ZNF93: variants seen among roughly 807,000 people sequenced by gnomAD.
ZNF93 encodes zinc finger protein 505.
In ZNF93, 29 loss-of-function variants were observed where a neutral mutation model predicts 45.0. The ratio of observed to expected loss-of-function variants is 0.64; its 90% confidence interval spans 0.48 to 0.88. The LOEUF (loss-of-function observed/expected upper bound fraction) is 0.88, where lower values mean the gene tolerates loss of function less well. Among genes scored for constraint, ZNF93 ranks in the 40% least tolerant of loss-of-function variants. The pLI is 0.00. For missense variants in ZNF93, 578 were observed against 724.0 expected (o/e 0.80, Z 2.31); for synonymous variants, 223 against 244.6 (o/e 0.91, Z 0.82).
intron 1 of ZNF93, among the ~76,000 whole-genome samples, chr19:19,910,589 C>T (rs142102833): frequency 1.2e-3 from 177 of 151,876 alleles, no homozygotes; most frequent in African/African-American, 4.1e-3. Context: ...TCTTTGCTCC[C>T]AGGTTATAAT....
intron 1 of ZNF93, among the ~76,000 whole-genome samples, chr19:19,905,330 C>G (rs996321993): frequency 6.6e-6 from 1 of 152,030 alleles, no homozygotes; most frequent in African/African-American, 2.4e-5. Flanking sequence ...AAACATAGCA[C>G]CAAACAGGTA....
chr19:19,927,040 T>G (rs569955555), intron 3 of ZNF93: 5 of 397,864 alleles, frequency 1.3e-5, no homozygotes, highest in Non-Finnish European at 1.8e-5. Context: ...CAGTTTTTCT[T>G]TAAAAACATT....
chr19:19,914,873 G>GA (rs943002324), intron 1 of ZNF93: 3 of 329,026 alleles, frequency 9.1e-6, no homozygotes, highest in Admixed American at 9.5e-5. Flanking sequence ...GATCTTCTGG[G>GA]AAAAAACCCC....
chr19:19,913,902 C>T (rs550079885), intron 1 of ZNF93, among the ~76,000 whole-genome samples: 3 of 152,198 alleles, frequency 2.0e-5, no homozygotes, highest in African/African-American at 2.4e-5. Flanking sequence ...GACTGCCATG[C>T]GTTTAGTACT....
chr19:19,926,530 C>G (rs1428526947), intron 3 of ZNF93, among the ~76,000 whole-genome samples: 1 of 150,034 alleles, frequency 6.7e-6, no homozygotes, highest in African/African-American at 2.5e-5. Flanking sequence ...GTCGCACAGG[C>G]TGGAGCGCAG....
intron 1 of ZNF93, 82 bp downstream of exon 1, chr19:19,901,173 T>C: frequency 3.8e-6 from 6 of 1,595,782 alleles, no homozygotes; most frequent in Non-Finnish European, 4.3e-6. Flanking sequence ...GGGACTCAGG[T>C]ATCCCCTTAG....
intron 1 of ZNF93, among the ~76,000 whole-genome samples, chr19:19,913,988 G>C (rs542845765): frequency 8.6e-5 from 13 of 151,930 alleles, no homozygotes; most frequent in African/African-American, 3.2e-4. Flanking sequence ...TCCTATGATG[G>C]TCAAGGATCT....
At chr19:19,922,500 G>A (rs1045366355) in intron 3 of ZNF93, among the ~76,000 whole-genome samples, 10 of 152,260 alleles carry the variant, frequency 6.6e-5, no homozygotes, top group Middle Eastern at 3.4e-3. Context: ...GCTAGATTGG[G>A]GAAGTTCTCC....
At chr19:19,916,090 G>GA (rs2063322815) in intron 2 of ZNF93, among the ~76,000 whole-genome samples, 2 of 140,510 alleles carry the variant, frequency 1.4e-5, no homozygotes, top group Non-Finnish European at 1.5e-5. Flanking sequence ...TTTTTGAGAC[G>GA]GAGTCTTGCT....
chr19:19,922,747 G>A (rs1159234094), intron 3 of ZNF93, among the ~76,000 whole-genome samples: 4 of 152,184 alleles, frequency 2.6e-5, no homozygotes, highest in African/African-American at 7.2e-5. Context: ...TGATGCTTAT[G>A]CATTTGTCAC....
chr19:19,917,954 C>CT (rs1568509689), intron 3 of ZNF93, among the ~76,000 whole-genome samples: 2 of 145,836 alleles, frequency 1.4e-5, no homozygotes, highest in Non-Finnish European at 3.0e-5. Context: ...CTTTTTTTTT[C>CT]TTTTTTTTAA....
intron 3 of ZNF93, among the ~76,000 whole-genome samples, chr19:19,922,316 G>A (rs371397865): frequency 1.3e-5 from 2 of 152,244 alleles, no homozygotes; most frequent in Non-Finnish European, 2.9e-5. Context: ...GAGGTCAGCT[G>A]TTAGTCTGAT....
intron 3 of ZNF93, among the ~76,000 whole-genome samples, chr19:19,919,905 AT>A (rs1049209420): frequency 6.6e-6 from 1 of 152,188 alleles, no homozygotes; most frequent in African/African-American, 2.4e-5. Flanking sequence ...AACAGTGACA[AT>A]TTGACTTCCT....
At chr19:19,918,610 C>T (rs1184724196) in intron 3 of ZNF93, among the ~76,000 whole-genome samples, 10 of 152,264 alleles carry the variant, frequency 6.6e-5, no homozygotes, top group Non-Finnish European at 1.0e-4. Context: ...CTCTCCAGCA[C>T]CTGTTGTTTC....
intron 1 of ZNF93, among the ~76,000 whole-genome samples, chr19:19,906,233 T>C (rs2063292495): frequency 6.6e-6 from 1 of 152,330 alleles, no homozygotes; most frequent in South Asian, 2.1e-4. Flanking sequence ...CCATTCTGAC[T>C]GGTGTGCGGT....
intron 1 of ZNF93, among the ~76,000 whole-genome samples, chr19:19,910,544 C>T (rs2063304880): frequency 6.6e-6 from 1 of 152,090 alleles, no homozygotes; most frequent in Non-Finnish European, 1.5e-5. Context: ...CTTGTAACTG[C>T]TGGTAATCAA....
At chr19:19,930,384 C>T (rs562930371) in intron 3 of ZNF93, among the ~76,000 whole-genome samples, 45 of 152,266 alleles carry the variant, frequency 3.0e-4, no homozygotes, top group African/African-American at 1.1e-3. Context: ...ACGGTTAGGC[C>T]TCCGGATAAC....
chr19:19,915,154 T>C (rs1230485076), intron 1 of ZNF93, 126 bp from the exon 2 acceptor site: 1 of 1,527,356 alleles, frequency 6.5e-7, no homozygotes, highest in Admixed American at 2.0e-5. Flanking sequence ...AAGATTATTT[T>C]ATTGGATAAT....
At chr19:19,920,880 T>C (rs1266803277) in intron 3 of ZNF93, among the ~76,000 whole-genome samples, 1 of 152,220 alleles carries the variant, frequency 6.6e-6, no homozygotes, top group Non-Finnish European at 1.5e-5. Flanking sequence ...GGTTGATCTT[T>C]GCAAAAAACT....
Sources: allele counts gnomAD v4.1 joint callset (sites outside exome capture counted in the v4.1 genomes callset), GRCh38; gene constraint gnomAD v4.1.1; transcripts MANE v1.5; gene names NCBI Gene and HGNC (gene_info 2026-07-23, HGNC 2026-07-21).